LRP1B: variants seen among roughly 807,000 people sequenced by gnomAD.
LRP1B encodes the protein low-density lipoprotein receptor-related protein 1B.
A neutral mutation model predicts 556.6 loss-of-function variants in LRP1B; 217 were observed. The observed-to-expected ratio is 0.39, with a 90% CI of 0.35 to 0.44. The LOEUF (loss-of-function observed/expected upper bound fraction) is 0.44. Among genes scored for constraint, LRP1B ranks in the 20% least tolerant of loss-of-function variants. The pLI is 1.00. For missense variants in LRP1B, 5,053 were observed against 5,620.8 expected (o/e 0.90, Z 3.23); for synonymous variants, 2,047 against 1,865.8 (o/e 1.10, Z -2.50).
intron 1 of LRP1B, among the ~76,000 whole-genome samples, chr2:141,988,346 T>C (rs977596178): frequency 6.6e-6 from 1 of 151,874 alleles, no homozygotes; most frequent in African/African-American, 2.4e-5. Context: ...GGTTGTAGAA[T>C]AGATTCAAGC....
intron 32 of LRP1B, among the ~76,000 whole-genome samples, chr2:140,807,104 TG>T (rs1472718466): frequency 1.3e-5 from 2 of 152,204 alleles, no homozygotes; most frequent in Non-Finnish European, 2.9e-5. Flanking sequence ...TTGATTAACT[TG>T]AGTTCGCCTC....
intron 83 of LRP1B, among the ~76,000 whole-genome samples, chr2:140,309,486 T>C (rs1684203703): frequency 6.6e-6 from 1 of 151,762 alleles, no homozygotes; most frequent in Admixed American, 6.6e-5. Flanking sequence ...GCTCTCACCA[T>C]ATGGTCCAAT....
At chr2:141,273,892 A>G (rs1685184148) in intron 3 of LRP1B, among the ~76,000 whole-genome samples, 1 of 152,244 alleles carries the variant, frequency 6.6e-6, no homozygotes. Context: ...GAAACCCAAT[A>G]TAAAAACAAA....
intron 60 of LRP1B, among the ~76,000 whole-genome samples, chr2:140,469,978 T>A (rs1008250147): frequency 4.6e-5 from 7 of 152,224 alleles, no homozygotes; most frequent in African/African-American, 1.4e-4. Context: ...ACATATTGCA[T>A]CAAGCACAGT....
intron 1 of LRP1B, among the ~76,000 whole-genome samples, chr2:141,951,827 G>A (rs2105035083): frequency 6.6e-6 from 1 of 152,096 alleles, no homozygotes; most frequent in South Asian, 2.1e-4. Context: ...TGATGTAAAA[G>A]TTCAGAAGAA....
intron 2 of LRP1B, among the ~76,000 whole-genome samples, chr2:141,726,625 A>G (rs904163902): frequency 7.9e-5 from 12 of 152,050 alleles, no homozygotes; most frequent in African/African-American, 2.9e-4. Flanking sequence ...TATAAGTTAG[A>G]CAGAAGAATT....
chr2:140,939,523 ATATT>A (rs1695331570), intron 20 of LRP1B, among the ~76,000 whole-genome samples: 1 of 148,218 alleles, frequency 6.7e-6, no homozygotes, highest in Non-Finnish European at 1.5e-5. Flanking sequence ...TTATAAATAT[ATATT>A]TATAATAAAT....
At chr2:141,727,910 G>A (rs1693103152) in intron 2 of LRP1B, among the ~76,000 whole-genome samples, 1 of 152,130 alleles carries the variant, frequency 6.6e-6, no homozygotes, top group Non-Finnish European at 1.5e-5. Flanking sequence ...GACCAAAGAG[G>A]AGGAGGATTC....
chr2:140,497,800 T>A (rs1300373462), intron 55 of LRP1B, among the ~76,000 whole-genome samples: 1 of 151,912 alleles, frequency 6.6e-6, no homozygotes, highest in Non-Finnish European at 1.5e-5. Context: ...AAGTACTATA[T>A]GAAATAGATG....
intron 7 of LRP1B, among the ~76,000 whole-genome samples, chr2:141,084,648 GTT>G (rs1700003665): frequency 9.5e-6 from 1 of 105,438 alleles, no homozygotes; most frequent in South Asian, 3.7e-4. Flanking sequence ...AGATACTTCT[GTT>G]TCTTTTTTTT....
chr2:140,364,928 G>T, intron 71 of LRP1B, 145 bp from the exon 72 acceptor site: 2 of 585,594 alleles, frequency 3.4e-6, no homozygotes, highest in Non-Finnish European at 2.8e-6. Context: ...ATAATACCAG[G>T]AACAAGTAAT....
chr2:140,873,292 T>C (rs190238191), intron 25 of LRP1B, among the ~76,000 whole-genome samples: 1 of 152,190 alleles, frequency 6.6e-6, no homozygotes, highest in East Asian at 1.9e-4. Context: ...CTTTAATAAA[T>C]AAGACATTAA....
chr2:141,738,952 T>C (rs1211260282), intron 2 of LRP1B, among the ~76,000 whole-genome samples: 1 of 152,102 alleles, frequency 6.6e-6, no homozygotes, highest in Admixed American at 6.6e-5. Flanking sequence ...AGGATTGTTA[T>C]TACACATATA....
At chr2:142,066,478 A>G (rs991259790) in intron 1 of LRP1B, among the ~76,000 whole-genome samples, 34 of 151,486 alleles carry the variant, frequency 2.2e-4, no homozygotes, top group African/African-American at 7.7e-4. Context: ...TTACATAACA[A>G]GGGTACTCTC....
intron 41 of LRP1B, among the ~76,000 whole-genome samples, chr2:140,647,835 T>C (rs1186220591): frequency 6.6e-6 from 1 of 152,138 alleles, no homozygotes; most frequent in Non-Finnish European, 1.5e-5. Flanking sequence ...TTTTACACTG[T>C]TGGTGGGACT....
At chr2:140,334,704 T>G in intron 78 of LRP1B, 145 bp from the exon 79 acceptor site, 1 of 482,990 alleles carries the variant, frequency 2.1e-6, no homozygotes, top group Non-Finnish European at 3.7e-6. Context: ...ACACACAGAA[T>G]GAGAACCTCC....
intron 1 of LRP1B, among the ~76,000 whole-genome samples, chr2:142,083,925 AC>A (rs1705813734): frequency 6.6e-6 from 1 of 151,930 alleles, no homozygotes; most frequent in African/African-American, 2.4e-5. Flanking sequence ...AATCTTCTGA[AC>A]TTCTGTGCTA....
At chr2:141,110,948 C>T (rs1252183384) in intron 7 of LRP1B, among the ~76,000 whole-genome samples, 2 of 152,140 alleles carry the variant, frequency 1.3e-5, no homozygotes, top group African/African-American at 4.8e-5. Context: ...TAAAAGTTTA[C>T]ATATCAAAAC....
intron 1 of LRP1B, among the ~76,000 whole-genome samples, chr2:142,107,835 A>G (rs12691632): frequency 0.67 from 94,803 of 141,306 alleles, 32,022 homozygotes; most frequent in East Asian, 0.71. Context: ...TAGTAGAGAC[A>G]GGGTTTCACC....
Sources: gnomAD v4.1 joint callset for allele counts (sites outside exome capture counted in the v4.1 genomes callset) on GRCh38, gnomAD v4.1.1 for gene constraint, MANE v1.5 for transcripts, NCBI Gene and HGNC (gene_info 2026-07-23, HGNC 2026-07-21) for gene names.